The following HIGD1B variants were observed in gnomAD, a reference collection of about 807,000 sequenced individuals.
HIGD1B encodes the protein HIG1 domain family member 1B.
Under a neutral mutation model 8.8 loss-of-function variants are expected in HIGD1B, and 9 were observed. That is an observed-to-expected ratio of 1.02 (90% CI 0.62 to 1.78). The LOEUF (loss-of-function observed/expected upper bound fraction) is 1.78, where lower values mean the gene tolerates loss of function less well. HIGD1B is among the 40% of genes most tolerant of loss of function. The pLI is 0.00. For missense variants in HIGD1B, 126 were observed against 111.8 expected (o/e 1.13, Z -0.57); for synonymous variants, 47 against 38.8 (o/e 1.21, Z -0.78).
At chr17:44,848,400 C>A in intron 1 of HIGD1B, 148 bp downstream of exon 1, 1 of 606,280 alleles carries the variant, frequency 1.6e-6, no homozygotes, top group East Asian at 2.8e-5. Flanking sequence ...TGCCAAGGGG[C>A]AAACCCTTAC....
chr17:44,848,649 G>C (rs964883311), intron 1 of HIGD1B, among the ~76,000 whole-genome samples: 19 of 53,710 alleles, frequency 3.5e-4, no homozygotes, highest in Non-Finnish European at 9.0e-4. Context: ...GCTGTGTCGT[G>C]GTGATCAGCT....
rs370827709 is a variant in HIGD1B, at chr17:44,849,295, C to A, written c.142C>A (p.Arg48=). The A allele has an allele frequency of 2.5e-6, 4 of 1,613,904 alleles. No homozygotes were observed. The South Asian group carries it at 3.3e-5, about 13-fold the overall frequency. The change falls in exon 2 of 3, where the codon CGG becomes AGG. Residue 48 remains arginine, a synonymous_variant. Transcript: ENST00000253410. The part of the protein sequence containing the change: ...CLVVAAYRIY[R]LRSRGSTKMS... ...GGTGGTAGCAGCATACAGGATTTAC[C>A]GGCTGAGGTCTCGTGGTTCCACCAA... is the stretch of plus-strand genomic sequence containing the variant.
upstream of HIGD1B, among the ~76,000 whole-genome samples, chr17:44,846,793 AAAAAAGAAG>A (rs2050326909): frequency 6.7e-6 from 1 of 149,672 alleles, no homozygotes; most frequent in South Asian, 2.1e-4. Flanking sequence ...TAAAAAAAAA[AAAAAAGAAG>A]AAAAAGAAAA....
upstream of HIGD1B, chr17:44,847,802 G>A: frequency 5.0e-6 from 1 of 199,032 alleles, no homozygotes; most frequent in Admixed American, 5.7e-5. Context: ...ACCACCATCT[G>A]TGGACTTTTC....
chr17:44,846,439 A>C (rs75042717), upstream of HIGD1B: 19,772 of 152,440 alleles, frequency 0.13, 1,447 homozygotes, highest in Non-Finnish European at 0.17. Context: ...AAGCACCAGC[A>C]TGCCAACGAC....
Position 44,847,931 on chromosome 17 carries a change from A to G in HIGD1B, c.-222A>G. ...AAGAGGCAGATGGTAGGAAATGGAGACGGAGAAATGGCACTAATGGCCCAG... is the reference window on the plus strand; with the variant it reads ...AAGAGGCAGATGGTAGGAAATGGAGGCGGAGAAATGGCACTAATGGCCCAG... On this transcript the variant is annotated 5_prime_UTR_variant, in exon 1 of 3. Coordinates refer to ENST00000253410, the MANE Select transcript of HIGD1B (RefSeq NM_016438.4). 4.4e-6 allele frequency: 2 copies of G among 454,232 alleles called. No individual in the cohort carries two copies. The highest frequency in any genetic ancestry group is 7.9e-6 in the Non-Finnish European group (2 of 252,808). 28.1% of individuals were successfully genotyped at this position (454,232 alleles called of 1,614,324 possible). A position where few individuals can be genotyped will look rare whatever the true frequency, so the allele number is the denominator to read the frequency against.
At chr17:44,849,110 C>T in intron 1 of HIGD1B, 144 bp from the exon 2 acceptor site, 1 of 887,670 alleles carries the variant, frequency 1.1e-6, no homozygotes, top group Non-Finnish European at 1.7e-6. Context: ...CCCTAGGTCC[C>T]CCGCAACGCC....
intron 2 of HIGD1B, 54 bp downstream of exon 2, chr17:44,849,442 T>C: frequency 1.2e-6 from 2 of 1,604,242 alleles, no homozygotes; most frequent in South Asian, 1.1e-5. Context: ...ATGCAGTTTG[T>C]AGGTCTTTAA....
chr17:44,848,605 A>G (rs1240658836), intron 1 of HIGD1B, among the ~76,000 whole-genome samples: 1 of 151,930 alleles, frequency 6.6e-6, no homozygotes, highest in African/African-American at 2.4e-5. Flanking sequence ...AGTGTGGCTC[A>G]AGGGCCCAGG....
chr17:44,845,748 A>G (rs996238879), upstream of HIGD1B, among the ~76,000 whole-genome samples: 3 of 152,100 alleles, frequency 2.0e-5, no homozygotes, highest in Admixed American at 1.3e-4. Context: ...CCCGGCCAAC[A>G]TGGTGAAACC....
rs559007031 is a variant in HIGD1B, at chr17:44,849,500, G to A, written c.235+112G>A. The A allele has an allele frequency of 4.2e-5, 54 of 1,276,152 alleles. 1 individual carries two copies. Among genetic ancestry groups the A allele is most frequent in the South Asian group, 3.1e-4 (22 of 70,348 alleles). 79.1% of individuals were successfully genotyped at this position (1,276,152 alleles called of 1,614,324 possible). ...TGCTTGGCTGGGCGCGGTGGTTCAC[G>A]CCTGTAATCTCAACACTTTGGGAGG... On this transcript the variant is annotated intron_variant, in intron 2 of 2. Transcript: ENST00000253410.
intron 1 of HIGD1B, 98 bp from the exon 2 acceptor site, chr17:44,849,156 G>A (rs757980549): frequency 2.7e-6 from 4 of 1,460,268 alleles, no homozygotes; most frequent in Middle Eastern, 2.1e-4. Context: ...AAAACCAGCT[G>A]TTTATCCAGA....
intron 2 of HIGD1B, 140 bp downstream of exon 2, chr17:44,849,528 A>C: frequency 1.1e-6 from 1 of 936,134 alleles, no homozygotes; most frequent in East Asian, 2.7e-5. Flanking sequence ...TTGGGAGGCC[A>C]AGGCGGGCAG....
At chr17:44,849,486 G>T (rs1045450257) in intron 2 of HIGD1B, 98 bp downstream of exon 2, 7 of 1,448,132 alleles carry the variant, frequency 4.8e-6, no homozygotes, top group Non-Finnish European at 5.7e-6. Context: ...GCTTGGCTGG[G>T]CGCGGTGGTT....
At chr17:44,845,507 G>A (rs1286050558), upstream of HIGD1B, among the ~76,000 whole-genome samples, 2 of 152,064 alleles carry the variant, frequency 1.3e-5, no homozygotes, top group Non-Finnish European at 2.9e-5. Flanking sequence ...GTATGTGCCC[G>A]TGGTCCCAGC....
chr17:44,848,992 C>T, intron 1 of HIGD1B: 1 of 372,170 alleles, frequency 2.7e-6, no homozygotes, highest in Non-Finnish European at 5.0e-6. Context: ...TCAGGCTGGT[C>T]TCAAACTCCC....
At position 44,849,392 on chromosome 17, in the gene HIGD1B, A is replaced by C. The variant is rs2050386192; in HGVS notation, c.235+4A>C. 2 of 1,613,740 alleles carry C rather than the reference A, an allele frequency of 1.2e-6. No homozygotes were observed. The highest frequency in any genetic ancestry group is 1.7e-6 in the Non-Finnish European group (2 of 1,179,802). On this transcript the variant is annotated splice_donor_region_variant and intron_variant, in intron 2 of 2. Coordinates refer to ENST00000253410, the MANE Select transcript of HIGD1B (RefSeq NM_016438.4). ...GCAGTGGGTGCAATCATGCTAGGTGAGTAGCTTTGTGGGGTCGCAGAATGA... is the reference window on the plus strand; with the variant it reads ...GCAGTGGGTGCAATCATGCTAGGTGCGTAGCTTTGTGGGGTCGCAGAATGA...
intron 1 of HIGD1B, among the ~76,000 whole-genome samples, chr17:44,848,606 A>C (rs2050358289): frequency 6.6e-6 from 1 of 151,886 alleles, no homozygotes; most frequent in Non-Finnish European, 1.5e-5. Flanking sequence ...GTGTGGCTCA[A>C]GGGCCCAGGG....
chr17:44,848,276 G>A, intron 1 of HIGD1B, 24 bp downstream of exon 1: 1 of 869,022 alleles, frequency 1.2e-6, no homozygotes, highest in Non-Finnish European at 2.0e-6. Flanking sequence ...GGAATGGGGT[G>A]CCGAGTAGGA....
Sources: gnomAD v4.1 joint callset for allele counts (sites outside exome capture counted in the v4.1 genomes callset) on GRCh38, gnomAD v4.1.1 for gene constraint, MANE v1.5 for transcripts, NCBI Gene and HGNC (gene_info 2026-07-23, HGNC 2026-07-21) for gene names.